Variants in EPHA3 observed in about 807,000 individuals in gnomAD.
EPHA3 encodes the protein EPH receptor A3, also known as ephrin type-A receptor 3.
A neutral mutation model predicts 107.1 loss-of-function variants in EPHA3; 42 were observed. That is an observed-to-expected ratio of 0.39 (90% CI 0.31 to 0.51). EPHA3 has a LOEUF of 0.51. EPHA3 is among the 20% of genes least tolerant of loss of function. EPHA3 has a pLI of 0.78. For synonymous variants in EPHA3, 461 were observed against 424.8 expected, an observed-to-expected ratio of 1.09 and a Z score of -1.05; for missense variants, 1,183 against 1,211.2, an observed-to-expected ratio of 0.98 and a Z score of 0.35.
At chr3:89,237,375 C>CAAAACAA (rs573242940) in intron 3 of EPHA3, among the ~76,000 whole-genome samples, 348 of 152,040 alleles carry the variant, frequency 2.3e-3, no homozygotes, top group Non-Finnish European at 3.7e-3. Flanking sequence ...TGACTCAAAA[C>CAAAACAA]AAAACAAAAC....
intron 10 of EPHA3, among the ~76,000 whole-genome samples, chr3:89,415,469 T>A (rs1484997555): frequency 7.3e-6 from 1 of 136,638 alleles, no homozygotes; most frequent in Non-Finnish European, 1.6e-5. Flanking sequence ...ACAGAAAGAA[T>A]ATATATATAT....
intron 3 of EPHA3, among the ~76,000 whole-genome samples, chr3:89,246,379 C>T (rs985102833): frequency 1.3e-5 from 2 of 152,064 alleles, no homozygotes; most frequent in African/African-American, 4.8e-5. Context: ...GATATGTTTC[C>T]ATTTTGAGAA....
At chr3:89,476,761 C>T (rs981459028) in intron 16 of EPHA3, among the ~76,000 whole-genome samples, 3 of 151,690 alleles carry the variant, frequency 2.0e-5, no homozygotes, top group Non-Finnish European at 1.5e-5. Flanking sequence ...GCGCCCGCCA[C>T]CACGCCCCGC....
At chr3:89,117,725 A>T (rs1707289868) in intron 1 of EPHA3, among the ~76,000 whole-genome samples, 1 of 152,052 alleles carries the variant, frequency 6.6e-6, no homozygotes, top group African/African-American at 2.4e-5. Context: ...TTTTTGAATT[A>T]CAAACAGGTG....
intron 3 of EPHA3, among the ~76,000 whole-genome samples, chr3:89,326,581 G>A (rs997888275): frequency 3.9e-5 from 6 of 151,916 alleles, no homozygotes; most frequent in Non-Finnish European, 8.8e-5. Flanking sequence ...GTAGAGATGG[G>A]GTTTCACCAT....
chr3:89,159,185 T>G (rs1704867927), intron 2 of EPHA3, among the ~76,000 whole-genome samples: 1 of 152,170 alleles, frequency 6.6e-6, no homozygotes, highest in Non-Finnish European at 1.5e-5. Context: ...TAATCAAAGA[T>G]TTTATTTTTA....
intron 3 of EPHA3, among the ~76,000 whole-genome samples, chr3:89,336,740 CA>C (rs1347111727): frequency 1.3e-5 from 2 of 152,000 alleles, no homozygotes; most frequent in Non-Finnish European, 2.9e-5. Flanking sequence ...CCGCCCATAC[CA>C]ATGTTAGACA....
chr3:89,195,536 C>A (rs2107148866), intron 2 of EPHA3, among the ~76,000 whole-genome samples: 1 of 152,284 alleles, frequency 6.6e-6, no homozygotes, highest in Admixed American at 6.5e-5. Context: ...CCAATGTTAG[C>A]TTAAAACCTC....
At chr3:89,334,955 T>G (rs1707361871) in intron 3 of EPHA3, among the ~76,000 whole-genome samples, 1 of 152,186 alleles carries the variant, frequency 6.6e-6, no homozygotes, top group South Asian at 2.1e-4. Context: ...AATTGCTTAG[T>G]GAAGATAACA....
At chr3:89,296,229 A>AT (rs1420519547) in intron 3 of EPHA3, among the ~76,000 whole-genome samples, 1 of 152,126 alleles carries the variant, frequency 6.6e-6, no homozygotes, top group Non-Finnish European at 1.5e-5. Context: ...AGAATGGTGA[A>AT]TTTTTTCCAG....
At chr3:89,317,681 AT>A (rs1706941258) in intron 3 of EPHA3, among the ~76,000 whole-genome samples, 1 of 151,780 alleles carries the variant, frequency 6.6e-6, no homozygotes, top group Non-Finnish European at 1.5e-5. Context: ...AAATGTACAC[AT>A]TTTAAAAAGT....
intron 15 of EPHA3, among the ~76,000 whole-genome samples, chr3:89,460,803 C>G (rs1710215726): frequency 7.1e-6 from 1 of 141,770 alleles, no homozygotes; most frequent in African/African-American, 2.7e-5. Context: ...GCCGAATACC[C>G]AAGTGATCTC....
chr3:89,242,870 C>A (rs1576259144), intron 3 of EPHA3, among the ~76,000 whole-genome samples: 1 of 151,648 alleles, frequency 6.6e-6, no homozygotes, highest in South Asian at 2.1e-4. Context: ...CGTCATTTAA[C>A]GTTTGGTATA....
chr3:89,192,736 G>T (rs1705749203), intron 2 of EPHA3, among the ~76,000 whole-genome samples: 1 of 151,900 alleles, frequency 6.6e-6, no homozygotes, highest in Non-Finnish European at 1.5e-5. Context: ...GAGAAAACTG[G>T]TATATGTTAC....
intron 13 of EPHA3, among the ~76,000 whole-genome samples, chr3:89,448,866 A>T (rs1392786238): frequency 6.6e-6 from 1 of 152,064 alleles, no homozygotes; most frequent in Non-Finnish European, 1.5e-5. Flanking sequence ...ATAAAAGTTG[A>T]TTTGTGATAC....
intron 5 of EPHA3, among the ~76,000 whole-genome samples, chr3:89,395,297 C>G (rs948308190): frequency 3.3e-5 from 5 of 152,042 alleles, no homozygotes; most frequent in African/African-American, 1.2e-4. Context: ...GAAGTCAAGG[C>G]CTACTGTAAT....
At chr3:89,113,483 TACA>T (rs1707165987) in intron 1 of EPHA3, among the ~76,000 whole-genome samples, 1 of 2,682 alleles carries the variant, frequency 3.7e-4, no homozygotes, top group African/African-American at 1.8e-3. Flanking sequence ...GCTTCCTTTG[TACA>T]AAAAAAAAAA....
intron 11 of EPHA3, among the ~76,000 whole-genome samples, chr3:89,420,094 C>A (rs558175573): frequency 1.3e-5 from 2 of 151,426 alleles, no homozygotes; most frequent in South Asian, 4.1e-4. Flanking sequence ...CTATATAAGT[C>A]TCTTGAGAAT....
intron 2 of EPHA3, among the ~76,000 whole-genome samples, chr3:89,196,000 A>T (rs550819191): frequency 7.9e-5 from 12 of 151,942 alleles, no homozygotes; most frequent in Non-Finnish European, 1.5e-4. Flanking sequence ...AGATCCCAGG[A>T]TTGGGCTAAA....
Sources: allele counts gnomAD v4.1 joint callset (sites outside exome capture counted in the v4.1 genomes callset), GRCh38; gene constraint gnomAD v4.1.1; transcripts MANE v1.5; gene names NCBI Gene and HGNC (gene_info 2026-07-23, HGNC 2026-07-21).